The following PTK6 variants were observed in gnomAD, a reference collection of about 807,000 sequenced individuals.
PTK6 encodes protein-tyrosine kinase 6.
Under a neutral mutation model 47.5 loss-of-function variants are expected in PTK6, and 47 were observed. The ratio of observed to expected loss-of-function variants is 0.99; its 90% CI spans 0.78 to 1.26. The LOEUF (loss-of-function observed/expected upper bound fraction) is 1.26. PTK6 is among the 50% of genes most tolerant of loss of function. The pLI is 0.00. For synonymous variants in PTK6, 287 were observed against 276.5 expected (o/e 1.04, Z -0.38); for missense variants, 618 against 625.3 (o/e 0.99, Z 0.12).
intron 1 of PTK6, 128 bp from the exon 2 acceptor site, chr20:63,535,187 A>G (rs1282145269): frequency 4.6e-6 from 6 of 1,318,456 alleles, no homozygotes; most frequent in Non-Finnish European, 6.0e-6. Flanking sequence ...AGCCCTGACC[A>G]CAGCTGCTCT....
Position 63,529,852 on chromosome 20 carries a change from C to T in PTK6, c.1169-129G>A. The stretch of plus-strand genomic sequence containing the variant: ...CTCAGCTGCCATGCCTTGGCGCCAC[C>T]CAGCACACTGTCCACTGCTAACACC... On this transcript the variant is annotated intron_variant, in intron 7 of 7. Transcript: ENST00000542869. This position sits in a 1 kb window ranked among gnomAD's most constrained non-coding sequence, Gnocchi z 5.6. 1 of 1,168,016 alleles carries T rather than the reference C, an allele frequency of 8.6e-7. No individual in the cohort carries two copies. Among genetic ancestry groups the T allele is most frequent in the Non-Finnish European group, 1.2e-6 (1 of 844,760 alleles). The allele number at this position is 1,168,016 out of a possible 1,614,324, so 72.4% of individuals were successfully genotyped here. A position where few individuals can be genotyped will look rare whatever the true frequency, so the allele number is the denominator to read the frequency against.
chr20:63,529,579 C>T lies in PTK6; in HGVS notation c.1313G>A (p.Arg438Gln), dbSNP rs761742593. 21 of 1,575,760 alleles carry T rather than the reference C, an allele frequency of 1.3e-5. No homozygotes were observed. The highest frequency in any genetic ancestry group is 5.4e-5 in the African/African-American group (4 of 74,108). ...PEQRPCFKAL[R>Q]ERLSSFTSYE... Reference sequence around the variant, plus strand: ...GCTGGTGAAGCTGGAGAGCCTCTCCCGCAGGGCCTTGAAGCAGGGTCTCTG... The same window carrying T: ...GCTGGTGAAGCTGGAGAGCCTCTCCTGCAGGGCCTTGAAGCAGGGTCTCTG... Residue 438 changes from arginine (R) to glutamine (Q), a missense_variant, in exon 8 of 8, where the codon CGG (arginine) becomes CAG (glutamine). Coordinates refer to ENST00000542869, the MANE Select transcript of PTK6 (RefSeq NM_005975.4). This position sits in a 1 kb window ranked among gnomAD's most constrained non-coding sequence, Gnocchi z 5.6.
Position 63,537,104 on chromosome 20 carries a change from C to T in PTK6, c.211G>A (p.Glu71Lys). 2 of 1,610,232 alleles carry T rather than the reference C, an allele frequency of 1.2e-6. No homozygotes were observed. The highest frequency in any genetic ancestry group is 1.3e-5 in the African/African-American group (1 of 74,962). Residue 71 changes from glutamate (E) to lysine (K), a missense_variant, in exon 1 of 8, where the codon GAG becomes AAG. Coordinates refer to ENST00000542869, the MANE Select transcript of PTK6 (RefSeq NM_005975.4). Reference sequence around the variant, plus strand: ...ACGCACGGTTCCGACTCCACCGTCTCCCTCTCGGCCAGGTAGTTGTGGGGC... The same window carrying T: ...ACGCACGGTTCCGACTCCACCGTCTTCCTCTCGGCCAGGTAGTTGTGGGGC... ...YVPHNYLAER[E>K]TVESEPWFFG...
chr20:63,534,006 A>G, intron 3 of PTK6, 146 bp downstream of exon 3: 1 of 1,225,084 alleles, frequency 8.2e-7, no homozygotes, highest in Admixed American at 2.8e-5. Flanking sequence ...TGTGCTCTGC[A>G]GAACCATGGG....
intron 2 of PTK6, 189 bp downstream of exon 2, chr20:63,534,749 T>C (rs2082650882): frequency 2.2e-6 from 2 of 900,470 alleles, no homozygotes; most frequent in Non-Finnish European, 3.2e-6. Context: ...GCCCCACGAC[T>C]ACCCTAGCAG....
Position 63,537,115 on chromosome 20 carries a change from A to G in PTK6, c.200T>C (p.Leu67Pro). The G allele has an allele frequency of 6.2e-7, 1 of 1,610,922 alleles. No individual in the cohort carries two copies. The change falls in exon 1 of 8, where the codon CTG becomes CCG. Residue 67 changes from leucine to proline, a missense_variant. Transcript: ENST00000542869. Reference sequence around the variant, plus strand: ...CGACTCCACCGTCTCCCTCTCGGCCAGGTAGTTGTGGGGCACATAGCCCTG... The same window carrying G: ...CGACTCCACCGTCTCCCTCTCGGCCGGGTAGTTGTGGGGCACATAGCCCTG... ...VAQGYVPHNY[L>P]AERETVESEP...
rs2082609292 is a variant in PTK6 at position 63,530,486 on chromosome 20, A to G, written c.1015-255T>C. On this transcript the variant is annotated intron_variant, in intron 6 of 7. Coordinates refer to ENST00000542869, the MANE Select transcript of PTK6 (RefSeq NM_005975.4). This position sits in a 1 kb window ranked among gnomAD's most constrained non-coding sequence, Gnocchi z 4.1. Reference sequence around the variant, plus strand: ...GGAACTGGGAGGCTCCCAGGCCGTCAGAGGGGCCCAGGGCTGGGCCAGTGA... The same window carrying G: ...GGAACTGGGAGGCTCCCAGGCCGTCGGAGGGGCCCAGGGCTGGGCCAGTGA... Among the ~76,000 whole-genome samples the G allele has an allele frequency of 6.6e-6, 1 of 152,184 alleles. No individual in the cohort carries two copies. Among genetic ancestry groups the G allele is most frequent in the Non-Finnish European group, 1.5e-5 (1 of 68,012 alleles).
Position 63,533,742 on chromosome 20 carries a change from C to G in PTK6, c.517-38G>C. 6.3e-7 allele frequency: 1 copy of G among 1,583,048 alleles called. No homozygotes were observed. Among genetic ancestry groups the G allele is most frequent in the Non-Finnish European group, 8.6e-7 (1 of 1,164,252 alleles). On this transcript the variant is annotated intron_variant, in intron 3 of 7. Transcript: ENST00000542869. The surrounding 1 kb of genome is among the most constrained non-coding windows in gnomAD (Gnocchi z 4.0). ...TCGGGGACACAGGGCAGGGGCTCATCCTTCAGGAAGTGCCAGTCTGAAGCC... is the reference window on the plus strand; with the variant it reads ...TCGGGGACACAGGGCAGGGGCTCATGCTTCAGGAAGTGCCAGTCTGAAGCC...
rs929815009 is a variant in PTK6, at chr20:63,529,575, C to T, written c.1317G>A (p.Glu439=). 1.3e-6 allele frequency: 2 copies of T among 1,575,924 alleles called. No individual in the cohort carries two copies. Among genetic ancestry groups the T allele is most frequent in the Non-Finnish European group, 8.6e-7 (1 of 1,160,796 alleles). Residue 439 remains glutamate, a synonymous_variant, in exon 8 of 8, where the codon GAG becomes GAA. Transcript: ENST00000542869. The surrounding 1 kb of genome is among the most constrained non-coding windows in gnomAD (Gnocchi z 5.6). ...CGTAGCTGGTGAAGCTGGAGAGCCT[C>T]TCCCGCAGGGCCTTGAAGCAGGGTC... is the stretch of plus-strand genomic sequence containing the variant. The part of the protein sequence containing the change: ...EQRPCFKALR[E]RLSSFTSYEN...
chr20:63,534,261 C>T lies in PTK6; in HGVS notation c.407G>A (p.Arg136Gln), dbSNP rs1019365267. Reference sequence around the variant, plus strand: ...GGACACCGCCTCGTTCAGGTGCAGCCGGCCCCCGGCACGCCGCCAGATCTT... The same window carrying T: ...GGACACCGCCTCGTTCAGGTGCAGCTGGCCCCCGGCACGCCGCCAGATCTT... ...HYKIWRRAGG[R>Q]LHLNEAVSFL... The change falls in exon 3 of 8, where the codon CGG (arginine) becomes CAG (glutamine). Residue 136 changes from arginine (R) to glutamine (Q), a missense_variant. Transcript: ENST00000542869. 3.1e-6 allele frequency: 5 copies of T among 1,608,598 alleles called. No individual in the cohort carries two copies. Among genetic ancestry groups the T allele is most frequent in the East Asian group, 4.5e-5 (2 of 44,760 alleles).
At chr20:63,532,406 T>A in intron 5 of PTK6, 120 bp downstream of exon 5, 1 of 1,264,094 alleles carries the variant, frequency 7.9e-7, no homozygotes. Flanking sequence ...TGTGCATGTG[T>A]GTGTCTGTGT....
At position 63,530,714 on chromosome 20, in the gene PTK6, A is replaced by C. The variant is rs1258927929; in HGVS notation, c.1014+32T>G. ...CCAGCCCTCCGGCCACGCCCCGGCC[A>C]CGACCCCAGCCACGCCCTCTGAGGG... is the stretch of plus-strand genomic sequence containing the variant. On this transcript the variant is annotated intron_variant, in intron 6 of 7. Transcript: ENST00000542869. This position sits in a 1 kb window ranked among gnomAD's most constrained non-coding sequence, Gnocchi z 4.1. 1.2e-6 allele frequency: 2 copies of C among 1,608,218 alleles called. No individual in the cohort carries two copies. The highest frequency in any genetic ancestry group is 1.3e-5 in the African/African-American group (1 of 74,502).
intron 1 of PTK6, among the ~76,000 whole-genome samples, chr20:63,536,717 C>T (rs112887745): frequency 7.2e-5 from 11 of 152,320 alleles, no homozygotes; most frequent in East Asian, 1.9e-4. Flanking sequence ...GGCCCTGGAA[C>T]GCTCCGACAG....
chr20:63,536,800 G>C (rs2082672489), intron 1 of PTK6, among the ~76,000 whole-genome samples: 1 of 152,206 alleles, frequency 6.6e-6, no homozygotes, highest in South Asian at 2.1e-4. Flanking sequence ...CGGCAATGCA[G>C]CGTCCACCCC....
rs775604556 is a variant in PTK6, at chr20:63,535,010, C to A, written c.280G>T (p.Ala94Ser). The A allele has an allele frequency of 6.2e-7, 1 of 1,608,876 alleles. No homozygotes were observed. The highest frequency in any genetic ancestry group is 1.7e-5 in the Admixed American group (1 of 59,864). Residue 94 changes from alanine to serine, a missense_variant, in exon 2 of 8, where the codon GCC (alanine) becomes TCC (serine). Coordinates refer to ENST00000542869, the MANE Select transcript of PTK6 (RefSeq NM_005975.4). ...AAGGCGCCCGTGGCGTTGCCCTCGG[C>A]CTGCAGCCGACGCACAGCTTCCGAG... The part of the protein sequence containing the change: ...SRSEAVRRLQ[A>S]EGNATGAFLI...
rs746368719 is a variant in PTK6, at chr20:63,530,777, A to G, written c.983T>C (p.Val328Ala). Residue 328 changes from valine (V) to alanine (A), a missense_variant, in exon 6 of 8, where the codon GTT becomes GCT. By Grantham distance (64) the Val-to-Ala change is moderately conservative (BLOSUM62 0). Coordinates refer to ENST00000542869, the MANE Select transcript of PTK6 (RefSeq NM_005975.4). This position sits in a 1 kb window ranked among gnomAD's most constrained non-coding sequence, Gnocchi z 4.1. Reference sequence around the variant, plus strand: ...AAGCCTGGCTAACCCGAAGTCCCCAACTTTGCAGAGGGTGTTTTCCCCGAC... The same window carrying G: ...AAGCCTGGCTAACCCGAAGTCCCCAGCTTTGCAGAGGGTGTTTTCCCCGAC... Reference protein sequence around the residue: ...ILVGENTLCKVGDFGLARLIK... With the variant: ...ILVGENTLCKAGDFGLARLIK... The G allele has an allele frequency of 1.3e-5, 21 of 1,613,574 alleles. No individual in the cohort carries two copies. The African/African-American group carries it at 1.7e-4, about 13-fold the overall frequency.
At chr20:63,534,852 A>G (rs1224685374) in intron 2 of PTK6, 86 bp downstream of exon 2, 1 of 1,476,636 alleles carries the variant, frequency 6.8e-7, no homozygotes, top group Admixed American at 2.2e-5. Flanking sequence ...TCTCAGCCAG[A>G]GCGAGCCGGG....
At chr20:63,532,347 A>ATGTGTC (rs144559581) in intron 5 of PTK6, among the ~76,000 whole-genome samples, 179 bp downstream of exon 5, 13 of 120,396 alleles carry the variant, frequency 1.1e-4, no homozygotes, top group African/African-American at 5.3e-4. Context: ...GTGTGTGTGC[A>ATGTGTC]TGTGTGTCTG....
chr20:63,530,236 A>C lies in PTK6; in HGVS notation c.1015-5T>G, dbSNP rs755616591. The C allele has an allele frequency of 3.1e-6, 5 of 1,613,714 alleles. No individual in the cohort carries two copies. Among genetic ancestry groups the C allele is most frequent in the South Asian group, 1.1e-5 (1 of 91,082 alleles). ...ATGGGAGAGGTAGACGTCCTCCTGCAATCAGCCTGGAGCTGAGTGGGCCGT... is the reference window on the plus strand; with the variant it reads ...ATGGGAGAGGTAGACGTCCTCCTGCCATCAGCCTGGAGCTGAGTGGGCCGT... On this transcript the variant is annotated splice_region_variant and splice_polypyrimidine_tract_variant and intron_variant, in intron 6 of 7. Transcript: ENST00000542869. The surrounding 1 kb of genome is among the most constrained non-coding windows in gnomAD (Gnocchi z 4.1).
Sources: allele counts gnomAD v4.1 joint callset (sites outside exome capture counted in the v4.1 genomes callset), GRCh38; gene constraint gnomAD v4.1.1; non-coding constraint Gnocchi (gnomAD v3.1); transcripts MANE v1.5; gene names NCBI Gene and HGNC (gene_info 2026-07-23, HGNC 2026-07-21).